Variants in PRIM1 observed in about 807,000 individuals in gnomAD.
PRIM1 encodes the protein DNA primase small subunit.
Under a neutral mutation model 60.2 loss-of-function variants are expected in PRIM1, and 38 were observed. The ratio of observed to expected loss-of-function variants is 0.63; its 90% CI spans 0.49 to 0.83. The LOEUF is 0.83. Ranked by LOEUF, PRIM1 falls within the 40% of genes least tolerant of loss-of-function variation. The probability of loss-of-function intolerance (pLI) is 0.00; values close to 1 mark genes in which losing one functional copy is unlikely to be tolerated. For synonymous variants in PRIM1, 158 were observed against 160.2 expected (o/e 0.99, Z 0.10); for missense variants, 388 against 506.2 (o/e 0.77, Z 2.24).
At chr12:56,743,782 G>T in intron 6 of PRIM1, 1 of 295,272 alleles carries the variant, frequency 3.4e-6, no homozygotes, top group Non-Finnish European at 6.3e-6. Context: ...CAACTAACTT[G>T]TCGTGTGATG....
At chr12:56,746,379 T>C (rs1345356839) in intron 4 of PRIM1, 198 bp from the exon 5 acceptor site, 6 of 742,408 alleles carry the variant, frequency 8.1e-6, no homozygotes, top group Non-Finnish European at 1.4e-5. Flanking sequence ...ACGCCTGTAA[T>C]CCCAGCACTC....
chr12:56,748,772 A>G (rs1953926085), intron 2 of PRIM1, among the ~76,000 whole-genome samples: 1 of 152,010 alleles, frequency 6.6e-6, no homozygotes, highest in South Asian at 2.1e-4. Context: ...CCTGGCCAAC[A>G]TGGCAAAACC....
chr12:56,748,288 C>G (rs1414116023), intron 2 of PRIM1, among the ~76,000 whole-genome samples: 1 of 152,182 alleles, frequency 6.6e-6, no homozygotes, highest in Non-Finnish European at 1.5e-5. Context: ...CTTCTGTACT[C>G]TTCCACTACC....
At position 56,733,673 on chromosome 12, in the gene PRIM1, TCTG is replaced by T. The variant is rs2137856313; in HGVS notation, c.1243+471_1243+473del. The stretch of plus-strand genomic sequence containing the variant: ...GGTGTGATCTCAGCTCACTGCAACC[TCTG>T]CCTCCCCGGTTCAAGCGATTCTCAT... On this transcript the variant is annotated intron_variant, in intron 12 of 12. Transcript: ENST00000338193. Among the ~76,000 whole-genome samples the T allele has an allele frequency of 2.6e-5, 4 of 151,844 alleles. No individual in the cohort carries two copies. In the East Asian group the frequency reaches 5.8e-4, roughly 22 times the overall value.
chr12:56,738,702 C>T (rs1004225559), intron 10 of PRIM1, among the ~76,000 whole-genome samples, 177 bp from the exon 11 acceptor site: 42 of 152,264 alleles, frequency 2.8e-4, no homozygotes, highest in African/African-American at 1.0e-3. Context: ...CAGGCATATG[C>T]CACCAAGCGC....
chr12:56,734,138 G>A lies in PRIM1; in HGVS notation c.1243+9C>T, dbSNP rs577076252. Reference sequence around the variant, plus strand: ...TAACTAGATAGAAGGGAAAGGCATAGCGTCTTACCACTCTTCTTAAGAAGT... The same window carrying A: ...TAACTAGATAGAAGGGAAAGGCATAACGTCTTACCACTCTTCTTAAGAAGT... On this transcript the variant is annotated intron_variant, in intron 12 of 12. Coordinates refer to ENST00000338193, the MANE Select transcript of PRIM1 (RefSeq NM_000946.3). The A allele has an allele frequency of 7.7e-6, 12 of 1,557,394 alleles. No individual in the cohort carries two copies. Among genetic ancestry groups the A allele is most frequent in the Middle Eastern group, 1.7e-4 (1 of 5,900 alleles).
intron 10 of PRIM1, among the ~76,000 whole-genome samples, chr12:56,738,998 C>A (rs185747961): frequency 6.6e-6 from 1 of 152,312 alleles, no homozygotes; most frequent in Admixed American, 6.5e-5. Flanking sequence ...TGGAGTTTTT[C>A]ATGCATATTA....
intron 5 of PRIM1, among the ~76,000 whole-genome samples, chr12:56,745,051 G>A (rs1257507568): frequency 6.6e-6 from 1 of 150,630 alleles, no homozygotes; most frequent in African/African-American, 2.5e-5. Context: ...AGGTTGTGGT[G>A]AGCCAAGATA....
chr12:56,742,567 C>T (rs1272023741), intron 7 of PRIM1, among the ~76,000 whole-genome samples: 3 of 151,904 alleles, frequency 2.0e-5, no homozygotes, highest in African/African-American at 4.8e-5. Context: ...TATAAGACTC[C>T]GTCTTAAAAA....
intron 12 of PRIM1, among the ~76,000 whole-genome samples, chr12:56,733,057 G>C (rs978500740): frequency 6.6e-6 from 1 of 150,766 alleles, no homozygotes; most frequent in Admixed American, 6.7e-5. Context: ...GTTTCACCGT[G>C]TTGGCCAGGC....
chr12:56,747,739 T>G (rs1027487516), intron 2 of PRIM1, among the ~76,000 whole-genome samples: 3 of 152,000 alleles, frequency 2.0e-5, no homozygotes, highest in Non-Finnish European at 2.9e-5. Context: ...AGCGAGACTC[T>G]GTCTCAAAAA....
chr12:56,736,527 G>A (rs374535992), intron 11 of PRIM1, among the ~76,000 whole-genome samples: 13 of 148,772 alleles, frequency 8.7e-5, no homozygotes, highest in East Asian at 5.9e-4. Flanking sequence ...TTTTTGAGAC[G>A]AAGTCTCACT....
chr12:56,743,118 C>T, intron 6 of PRIM1, 22 bp from the exon 7 acceptor site: 2 of 1,509,522 alleles, frequency 1.3e-6, no homozygotes, highest in South Asian at 1.3e-5. Context: ...ACAATAACAA[C>T]AGAGTCCCAA....
chr12:56,745,298 C>T (rs1953898611), intron 5 of PRIM1, among the ~76,000 whole-genome samples: 1 of 151,870 alleles, frequency 6.6e-6, no homozygotes, highest in South Asian at 2.1e-4. Context: ...TTAGTCCCAG[C>T]TACTCAGGAG....
chr12:56,736,807 T>C (rs563475722), intron 11 of PRIM1, among the ~76,000 whole-genome samples: 16 of 152,008 alleles, frequency 1.1e-4, no homozygotes, highest in Admixed American at 4.6e-4. Flanking sequence ...CCCGGCCACA[T>C]AATTTTCATT....
chr12:56,741,900 A>G (rs1405355044), intron 7 of PRIM1, 63 bp from the exon 8 acceptor site: 1 of 1,342,160 alleles, frequency 7.5e-7, no homozygotes, highest in Non-Finnish European at 1.1e-6. Context: ...AGTTTTAAGT[A>G]TGTATTACCA....
intron 5 of PRIM1, 142 bp from the exon 6 acceptor site, chr12:56,744,265 G>C (rs1464239884): frequency 3.5e-6 from 2 of 579,478 alleles, no homozygotes; most frequent in Non-Finnish European, 6.0e-6. Flanking sequence ...AGCATTTTGG[G>C]AGGCTGAGGT....
At chr12:56,745,832 G>C in intron 5 of PRIM1, among the ~76,000 whole-genome samples, 1 of 151,790 alleles carries the variant, frequency 6.6e-6, no homozygotes. Context: ...CCAGCTACTC[G>C]GGAGGCTGAG....
rs530162873 is a variant in PRIM1, at chr12:56,752,144, G to A, written c.103+52C>T. 591 of 1,331,372 alleles carry A rather than the reference G, an allele frequency of 4.4e-4. 1 individual carries two copies. In the Middle Eastern group the frequency reaches 6.7e-3, roughly 15 times the overall value. The allele number at this position is 1,331,372 out of a possible 1,614,324, so 82.5% of individuals were successfully genotyped here. A position where few individuals can be genotyped will look rare whatever the true frequency, so the allele number is the denominator to read the frequency against. Reference sequence around the variant, plus strand: ...CATATTGTCATTCTAAGGACACCCCGCCTCCAACCTCCTCACACTCCGCTC... The same window carrying A: ...CATATTGTCATTCTAAGGACACCCCACCTCCAACCTCCTCACACTCCGCTC... On this transcript the variant is annotated intron_variant, in intron 1 of 12. Transcript: ENST00000338193.
Sources: gnomAD v4.1 joint callset for allele counts (sites outside exome capture counted in the v4.1 genomes callset) on GRCh38, gnomAD v4.1.1 for gene constraint, MANE v1.5 for transcripts, NCBI Gene and HGNC (gene_info 2026-07-23, HGNC 2026-07-21) for gene names.